Variants in PAK6 observed in about 807,000 individuals in gnomAD.
The protein encoded by PAK6 is serine/threonine-protein kinase PAK 6.
A neutral mutation model predicts 60.8 loss-of-function variants in PAK6; 33 were observed. That is an observed-to-expected ratio of 0.54 (90% CI 0.41 to 0.73). The LOEUF is 0.73. Ranked by LOEUF, PAK6 falls within the 30% of genes least tolerant of loss-of-function variation. PAK6 has a pLI of 0.00. For missense variants in PAK6, 845 were observed against 904.1 expected (o/e 0.93, Z 0.84); for synonymous variants, 404 against 378.5 (o/e 1.07, Z -0.78).
chr15:40,272,116 C>T, intron 5 of PAK6, 108 bp from the exon 6 acceptor site: 2 of 1,262,556 alleles, frequency 1.6e-6, no homozygotes, highest in Non-Finnish European at 2.2e-6. Flanking sequence ...TGATACCCCG[C>T]CTGACCCTGC....
chr15:40,260,524 C>G (rs1052478186), intron 3 of PAK6, among the ~76,000 whole-genome samples: 6 of 152,132 alleles, frequency 3.9e-5, no homozygotes, highest in Non-Finnish European at 8.8e-5. Flanking sequence ...TTTGCCAATT[C>G]CATACTAAAT....
intron 3 of PAK6, among the ~76,000 whole-genome samples, chr15:40,255,833 G>A (rs1463018004): frequency 6.6e-6 from 1 of 152,130 alleles, no homozygotes; most frequent in Non-Finnish European, 1.5e-5. Context: ...GCCTCCTGTT[G>A]GGAATGCCAG....
At chr15:40,260,813 A>G (rs1431877433) in intron 3 of PAK6, among the ~76,000 whole-genome samples, 1 of 152,180 alleles carries the variant, frequency 6.6e-6, no homozygotes, top group Non-Finnish European at 1.5e-5. Context: ...ATTTTCCAAT[A>G]TAAGGACTTT....
intron 5 of PAK6, among the ~76,000 whole-genome samples, chr15:40,269,839 C>A (rs1319267649): frequency 6.6e-6 from 1 of 152,244 alleles, no homozygotes; most frequent in Non-Finnish European, 1.5e-5. Flanking sequence ...AGCACAGGGA[C>A]CTGGCCTGTG....
chr15:40,249,650 A>C (rs1306821814), intron 2 of PAK6, among the ~76,000 whole-genome samples: 1 of 152,246 alleles, frequency 6.6e-6, no homozygotes, highest in Non-Finnish European at 1.5e-5. Flanking sequence ...TGGAGCAGAA[A>C]GATGCAGGGA....
chr15:40,275,515 G>T (rs1026620994), intron 10 of PAK6, among the ~76,000 whole-genome samples: 1 of 151,942 alleles, frequency 6.6e-6, no homozygotes, highest in African/African-American at 2.4e-5. Context: ...ACGAACTCCT[G>T]ACCTCGTAAT....
exon 4 of PAK6, chr15:40,264,930 C>T (rs753304529): frequency 1.1e-5 from 17 of 1,613,650 alleles, no homozygotes; most frequent in African/African-American, 4.0e-5. Flanking sequence ...CACACTGCGG[C>T]GCCCCAAGCC....
At chr15:40,248,729 A>G (rs2038569599) in intron 2 of PAK6, among the ~76,000 whole-genome samples, 1 of 146,590 alleles carries the variant, frequency 6.8e-6, no homozygotes, top group Non-Finnish European at 1.5e-5. Flanking sequence ...CGGTCCTCCT[A>G]CCCGCACCCC....
chr15:40,273,563 G>A (rs1263425484), exon 9 of PAK6: 1 of 1,613,992 alleles, frequency 6.2e-7, no homozygotes, highest in South Asian at 1.1e-5. Context: ...GAAGCTCTCG[G>A]ACTTCGGATT....
chr15:40,262,362 G>C (rs1423211476), intron 3 of PAK6, among the ~76,000 whole-genome samples: 1 of 152,032 alleles, frequency 6.6e-6, no homozygotes, highest in African/African-American at 2.4e-5. Context: ...AAATTAGCCG[G>C]GTATGTTGGT....
At chr15:40,277,231 GTCC>G (rs2039480620) in exon 11 of PAK6, 1 of 152,372 alleles carries the variant, frequency 6.6e-6, no homozygotes, top group East Asian at 1.9e-4. Flanking sequence ...CTGTCTCCTT[GTCC>G]TCCTCGGCCC....
intron 5 of PAK6, among the ~76,000 whole-genome samples, chr15:40,267,212 C>T (rs1056038788): frequency 2.0e-5 from 3 of 152,056 alleles, no homozygotes; most frequent in African/African-American, 7.2e-5. Context: ...AATGGAGCCT[C>T]CCCTCCCTCC....
intron 10 of PAK6, among the ~76,000 whole-genome samples, chr15:40,275,285 T>C (rs4924444): frequency 5.1e-4 from 21 of 41,314 alleles, no homozygotes; most frequent in South Asian, 1.5e-3. Flanking sequence ...TGTTGGTTTT[T>C]TTTTTTTTTT....
At chr15:40,276,754 G>A (rs984125344) in exon 11 of PAK6, 5 of 75,818 alleles carry the variant, frequency 6.6e-5, no homozygotes, top group African/African-American at 2.7e-4. Flanking sequence ...AACATCGTGT[G>A]TGTGTGTGTG....
At position 40,275,277 on chromosome 15, in the gene PAK6, T is replaced by C. The variant is rs867310172; in HGVS notation, c.1879-650T>C. Among the ~76,000 whole-genome samples the C allele has an allele frequency of 3.5e-4, 37 of 106,656 alleles. 1 individual carries two copies. Among genetic ancestry groups the C allele is most frequent in the Middle Eastern group, 8.5e-3 (2 of 234 alleles). The allele number at this position is 106,656 out of a possible 152,430, so 70.0% of individuals were successfully genotyped here. ...CTTGACTTGTTTGTTTCTGTTGTTG[T>C]TGGTTTTTTTTTTTTTTTTTTTTTT... On this transcript the variant is annotated intron_variant, in intron 10 of 10. Transcript: ENST00000560346.
intron 9 of PAK6, 21 bp from the exon 10 acceptor site, chr15:40,274,121 A>G: frequency 1.9e-6 from 3 of 1,613,764 alleles, no homozygotes; most frequent in Non-Finnish European, 2.5e-6. Context: ...CCATGGGGTC[A>G]GGGACATTTT....
intron 7 of PAK6, 92 bp downstream of exon 7, chr15:40,273,091 A>C (rs2039355926): frequency 6.6e-7 from 1 of 1,505,162 alleles, no homozygotes; most frequent in African/African-American, 1.4e-5. Flanking sequence ...GGCCCAGAAG[A>C]CTTGGGATGC....
intron 3 of PAK6, among the ~76,000 whole-genome samples, chr15:40,254,702 G>A (rs950565060): frequency 3.3e-5 from 5 of 152,118 alleles, no homozygotes; most frequent in Non-Finnish European, 5.9e-5. Flanking sequence ...GTTTGGAGTC[G>A]GAGAGATCTG....
At chr15:40,262,855 TTTCAG>T (rs1285894556) in intron 3 of PAK6, among the ~76,000 whole-genome samples, 1 of 149,592 alleles carries the variant, frequency 6.7e-6, no homozygotes, top group Non-Finnish European at 1.5e-5. Context: ...GCTCAGATCA[TTTCAG>T]TTATTTGTTC....
Sources: allele counts gnomAD v4.1 joint callset (sites outside exome capture counted in the v4.1 genomes callset), GRCh38; gene constraint gnomAD v4.1.1; transcripts MANE v1.5; gene names NCBI Gene and HGNC (gene_info 2026-07-23, HGNC 2026-07-21).